TFB1M: variants seen among roughly 807,000 people sequenced by gnomAD.
TFB1M encodes transcription factor B1, mitochondrial.
Under a neutral mutation model 31.1 loss-of-function variants are expected in TFB1M, and 27 were observed. The ratio of observed to expected loss-of-function variants is 0.87; its 90% CI spans 0.64 to 1.20. TFB1M has a LOEUF of 1.20. TFB1M is among the 50% of genes most tolerant of loss of function. TFB1M has a pLI of 0.00. For missense variants in TFB1M, 394 were observed against 418.7 expected (o/e 0.94, Z 0.51); for synonymous variants, 166 against 151.8 (o/e 1.09, Z -0.69).
the TFB1M span, chr6:155,244,077 G>A: frequency 6.2e-7 from 1 of 1,613,768 alleles, no homozygotes; most frequent in Non-Finnish European, 8.5e-7. Flanking sequence ...TACCCAAGAT[G>A]AGGTAAATAA....
In TFB1M at chr6:155,285,249, T is replaced by C. The variant is rs756749411; in HGVS notation, c.575A>G (p.Gln192Arg). Residue 192 changes from glutamine (Q) to arginine (R), a missense_variant, in exon 5 of 7, where the codon CAG becomes CGG. Gln to Arg is a conservative substitution (Grantham distance 43, BLOSUM62 1). Coordinates refer to ENST00000367166, the MANE Select transcript of TFB1M (RefSeq NM_016020.4). ...ERLAANTGSK[Q>R]RSRLSVMAQY... ...AGCCATAACAGAGAGGCGACTACGC[T>C]GTTTGCTTCCTGTATTGGCTGCAAG... 14 of 1,613,918 alleles carry C rather than the reference T, an allele frequency of 8.7e-6. No homozygotes were observed. Among genetic ancestry groups the C allele is most frequent in the Middle Eastern group, 1.6e-4 (1 of 6,084 alleles).
intron 2 of TFB1M, among the ~76,000 whole-genome samples, chr6:155,306,335 T>G (rs1021991833): frequency 1.3e-5 from 2 of 152,142 alleles, no homozygotes; most frequent in Non-Finnish European, 2.9e-5. Context: ...AGGACCCGGA[T>G]ATTCTACACA....
the TFB1M span, chr6:155,240,549 C>T: frequency 1.2e-6 from 2 of 1,613,748 alleles, no homozygotes; most frequent in South Asian, 2.2e-5. Flanking sequence ...CAGATCACTG[C>T]ACTGTGCAGG....
At chr6:155,283,288 C>T (rs1776469890) in intron 5 of TFB1M, among the ~76,000 whole-genome samples, 2 of 152,052 alleles carry the variant, frequency 1.3e-5, no homozygotes, top group Admixed American at 6.6e-5. Flanking sequence ...AAAAAATAGC[C>T]GGTGTGGTGG....
At chr6:155,311,080 T>C (rs1469556843) in intron 2 of TFB1M, 108 bp downstream of exon 2, 4 of 1,258,716 alleles carry the variant, frequency 3.2e-6, no homozygotes, top group East Asian at 2.3e-5. Flanking sequence ...GGATCTATAG[T>C]TGAGGAAAAA....
intron 5 of TFB1M, among the ~76,000 whole-genome samples, chr6:155,270,011 C>T (rs1784849770): frequency 6.6e-6 from 1 of 152,178 alleles, no homozygotes; most frequent in Non-Finnish European, 1.5e-5. Context: ...TCTTGCGCTA[C>T]AGTGGAAGCA....
At chr6:155,260,815 A>G (rs1784361643) in intron 5 of TFB1M, 1 of 329,578 alleles carries the variant, frequency 3.0e-6, no homozygotes, top group Admixed American at 4.5e-5. Flanking sequence ...ACAGGCCCCC[A>G]GGGACCACTC....
chr6:155,250,410 G>T, the TFB1M span: 1 of 597,360 alleles, frequency 1.7e-6, no homozygotes, highest in Non-Finnish European at 2.6e-6. Flanking sequence ...GCTTAATTTA[G>T]AATCTTGTGC....
At chr6:155,285,798 GTAATT>G (rs1264631487) in intron 4 of TFB1M, among the ~76,000 whole-genome samples, 1 of 152,048 alleles carries the variant, frequency 6.6e-6, no homozygotes. Flanking sequence ...GTAAAACCTA[GTAATT>G]TATTCTTTTA....
intron 5 of TFB1M, among the ~76,000 whole-genome samples, chr6:155,269,324 C>CT (rs60162262): frequency 0.021 from 2,669 of 127,148 alleles, 90 homozygotes; most frequent in African/African-American, 0.035. Context: ...CTTTTCTTTT[C>CT]TTTTTTTTTT....
At chr6:155,242,191 A>G in the TFB1M span, among the ~76,000 whole-genome samples, 50 of 152,198 alleles carry the variant, frequency 3.3e-4, no homozygotes, top group Non-Finnish European at 6.5e-4. Context: ...TTTGCTGTCC[A>G]GGAAGTCCTC....
At chr6:155,250,747 A>G in the TFB1M span, 1 of 1,144,402 alleles carries the variant, frequency 8.7e-7, no homozygotes. Context: ...CTTAACTCAT[A>G]TTTTCAAAAG....
intron 2 of TFB1M, among the ~76,000 whole-genome samples, chr6:155,307,048 G>A (rs1031974705): frequency 1.1e-4 from 16 of 152,040 alleles, no homozygotes; most frequent in African/African-American, 3.6e-4. Flanking sequence ...TTGAGCCCAG[G>A]AGGTCAAGGC....
chr6:155,298,253 A>AC, intron 3 of TFB1M, among the ~76,000 whole-genome samples: 1 of 152,334 alleles, frequency 6.6e-6, no homozygotes, highest in Middle Eastern at 3.4e-3. Flanking sequence ...AGAATACAAA[A>AC]CATTTGGAAA....
Position 155,271,533 on chromosome 6 carries a change from T to C in TFB1M, c.667-11133A>G, listed in dbSNP as rs1376774982. ...TCAAAAGTTGTTGCTGGGTTTTCTT[T>C]TTTCTTTTATTGAAAAAAATACATA... is the stretch of plus-strand genomic sequence containing the variant. On this transcript the variant is annotated intron_variant, in intron 5 of 6. Coordinates refer to ENST00000367166, the MANE Select transcript of TFB1M (RefSeq NM_016020.4). 8.5e-5 allele frequency among the ~76,000 whole-genome samples: 13 copies of C among 152,214 alleles called. 1 individual carries two copies. The highest frequency in any genetic ancestry group is 6.5e-4 in the Admixed American group (10 of 15,286).
the TFB1M span, among the ~76,000 whole-genome samples, chr6:155,239,727 C>A: frequency 3.3e-5 from 5 of 152,190 alleles, no homozygotes; most frequent in African/African-American, 9.6e-5. Flanking sequence ...TTCCTCTGAG[C>A]CCACATTCCC....
chr6:155,314,121 C>T, intron 1 of TFB1M, 175 bp downstream of exon 1: 1 of 1,492,926 alleles, frequency 6.7e-7, no homozygotes, highest in South Asian at 1.3e-5. Context: ...ACGCACTTCA[C>T]GTGTCTCCTG....
At position 155,290,376 on chromosome 6, in the gene TFB1M, G is replaced by A. The variant is rs140489595; in HGVS notation, c.547-5099C>T. 5.5e-3 allele frequency among the ~76,000 whole-genome samples: 702 copies of A among 128,276 alleles called. 4 individuals carry two copies. Among genetic ancestry groups the A allele is most frequent in the African/African-American group, 0.02 (663 of 33,448 alleles). 84.2% of individuals were successfully genotyped at this position (128,276 alleles called of 152,430 possible). A position where few individuals can be genotyped will look rare whatever the true frequency, so the allele number is the denominator to read the frequency against. On this transcript the variant is annotated intron_variant, in intron 4 of 6. Transcript: ENST00000367166. ...ACTCCAGCCTGGGTGACAGAGCGGC[G>A]AGACTCGGCCTCAAAAAAAAAAAAA...
intron 4 of TFB1M, among the ~76,000 whole-genome samples, chr6:155,291,321 A>G (rs1021562727): frequency 1.3e-5 from 2 of 152,222 alleles, no homozygotes; most frequent in African/African-American, 2.4e-5. Flanking sequence ...CAGAAGTTGT[A>G]TAAGTGCAGA....
Sources: gnomAD v4.1 joint callset for allele counts (sites outside exome capture counted in the v4.1 genomes callset) on GRCh38, gnomAD v4.1.1 for gene constraint, MANE v1.5 for transcripts, NCBI Gene and HGNC (gene_info 2026-07-23, HGNC 2026-07-21) for gene names.